HNRNPL: variants seen among roughly 807,000 people sequenced by gnomAD.
The protein encoded by HNRNPL is epididymis secretory sperm binding protein.
In HNRNPL, 12 loss-of-function variants were observed where a neutral mutation model predicts 64.0. That is an observed-to-expected ratio of 0.19 (90% CI 0.12 to 0.30). The LOEUF (loss-of-function observed/expected upper bound fraction) is 0.30. Among genes scored for constraint, HNRNPL ranks in the 10% least tolerant of loss-of-function variants. HNRNPL has a pLI of 1.00. For missense variants in HNRNPL, 484 were observed against 797.4 expected (o/e 0.61, Z 4.73); for synonymous variants, 385 against 313.0 (o/e 1.23, Z -2.43).
chr19:38,846,536 G>A (rs867301184), intron 2 of HNRNPL, among the ~76,000 whole-genome samples: 1 of 152,156 alleles, frequency 6.6e-6, no homozygotes, highest in Non-Finnish European at 1.5e-5. Flanking sequence ...ACTTGGGAGG[G>A]CTAGGTGGGC....
At chr19:38,845,823 A>C (rs937245145) in intron 3 of HNRNPL, 30 bp downstream of exon 3, 1 of 1,601,084 alleles carries the variant, frequency 6.2e-7, no homozygotes. Context: ...AGGAAGGGAG[A>C]CCTCACAAGA....
rs1211354284 is a variant in HNRNPL at position 38,846,095 on chromosome 19, C to G, written c.387-5G>C. On this transcript the variant is annotated splice_region_variant and splice_polypyrimidine_tract_variant and intron_variant, in intron 2 of 12. Transcript: ENST00000221419. ...TTAGGCATTACCACCACATAGCTGG[C>G]AGAGAGAACACAGGTTTCAATCCTC... 6.3e-7 allele frequency: 1 copy of G among 1,597,390 alleles called. No individual in the cohort carries two copies. The highest frequency in any genetic ancestry group is 1.7e-5 in the Admixed American group (1 of 59,964).
upstream of HNRNPL, among the ~76,000 whole-genome samples, chr19:38,851,495 T>G (rs540172167): frequency 2.6e-5 from 4 of 152,094 alleles, no homozygotes; most frequent in South Asian, 6.2e-4. Context: ...GGAAAAGAAA[T>G]AAAAGCGAAG....
intron 8 of HNRNPL, 57 bp from the exon 9 acceptor site, chr19:38,839,072 T>G: frequency 6.2e-7 from 1 of 1,602,602 alleles, no homozygotes; most frequent in Non-Finnish European, 8.5e-7. Flanking sequence ...TCCCCTCTCC[T>G]GCCCCTCCCA....
chr19:38,848,094 T>C (rs1972361726), intron 1 of HNRNPL, among the ~76,000 whole-genome samples: 1 of 152,124 alleles, frequency 6.6e-6, no homozygotes, highest in African/African-American at 2.4e-5. Context: ...AAGAAAAGTC[T>C]TTTATTTATT....
chr19:38,848,884 A>G (rs1972396223), intron 1 of HNRNPL, among the ~76,000 whole-genome samples: 1 of 152,186 alleles, frequency 6.6e-6, no homozygotes, highest in African/African-American at 2.4e-5. Flanking sequence ...CGTAACCCCT[A>G]AACCCTGGAA....
intron 6 of HNRNPL, 200 bp downstream of exon 6, chr19:38,843,642 G>A (rs1456971228): frequency 3.4e-6 from 2 of 589,614 alleles, no homozygotes; most frequent in South Asian, 2.1e-5. Context: ...AGCATCGGAG[G>A]GCCCCAAGCA....
chr19:38,839,404 C>T (rs528793170), intron 8 of HNRNPL: 2 of 197,832 alleles, frequency 1.0e-5, no homozygotes, highest in Admixed American at 1.1e-4. Flanking sequence ...GCAGTGCCGG[C>T]TCTGGAGCCA....
upstream of HNRNPL, among the ~76,000 whole-genome samples, chr19:38,851,763 G>A (rs895901704): frequency 6.6e-6 from 1 of 152,122 alleles, no homozygotes; most frequent in East Asian, 1.9e-4. Flanking sequence ...GACCCTATCA[G>A]AAAAAATGGG....
intron 6 of HNRNPL, chr19:38,840,830 C>T (rs995226475): frequency 2.1e-6 from 1 of 480,872 alleles, no homozygotes; most frequent in Non-Finnish European, 3.6e-6. Flanking sequence ...CTCACCTACC[C>T]TGGCCCTGGG....
chr19:38,849,467 G>A (rs766670025), intron 1 of HNRNPL: 9 of 477,338 alleles, frequency 1.9e-5, no homozygotes, highest in Middle Eastern at 6.0e-4. Flanking sequence ...TTCGCCTCAC[G>A]AGCTACTTCC....
chr19:38,837,280 G>T (rs1253571860), intron 12 of HNRNPL, 104 bp downstream of exon 12: 2 of 865,314 alleles, frequency 2.3e-6, no homozygotes, highest in Non-Finnish European at 3.9e-6. Context: ...ACAGTGCGAA[G>T]ATCCCGGGGT....
chr19:38,836,947 C>G (rs191008499), intron 12 of HNRNPL, 167 bp from the exon 13 acceptor site: 2 of 575,298 alleles, frequency 3.5e-6, no homozygotes, highest in East Asian at 5.8e-5. Flanking sequence ...CAATTATGCA[C>G]GGCGTTTCTC....
intron 6 of HNRNPL, chr19:38,840,896 A>G (rs148420055): frequency 0.01 from 3,342 of 333,344 alleles, 50 homozygotes; most frequent in Non-Finnish European, 9.4e-3. Context: ...AGAAGCTGAT[A>G]TATTATGGCG....
At chr19:38,852,014 A>G (rs926339487), upstream of HNRNPL, among the ~76,000 whole-genome samples, 15 of 150,656 alleles carry the variant, frequency 1.0e-4, no homozygotes, top group Non-Finnish European at 1.6e-4. Context: ...CGTCAGAGGA[A>G]TGCGGTGGGG....
At chr19:38,838,826 G>A in intron 9 of HNRNPL, 68 bp downstream of exon 9, 1 of 1,601,270 alleles carries the variant, frequency 6.2e-7, no homozygotes. Flanking sequence ...GTGCTCCTCT[G>A]CTGGGCCCCA....
chr19:38,849,617 C>A, intron 1 of HNRNPL, 83 bp downstream of exon 1: 3 of 1,291,020 alleles, frequency 2.3e-6, no homozygotes, highest in Non-Finnish European at 2.9e-6. Context: ...CGCAGAGGCC[C>A]CCCTCAAAAA....
chr19:38,844,260 G>A lies in HNRNPL; in HGVS notation c.711-156C>T, dbSNP rs541012984. On this transcript the variant is annotated intron_variant, in intron 4 of 12. Coordinates refer to ENST00000221419, the MANE Select transcript of HNRNPL (RefSeq NM_001533.3). ...TGCCCAGCCACTAGCCTCAGGTTAAGAGACCAAAACGGTGTTGATGGACTC... is the reference window on the plus strand; with the variant it reads ...TGCCCAGCCACTAGCCTCAGGTTAAAAGACCAAAACGGTGTTGATGGACTC... Among the ~76,000 whole-genome samples, 14 of 152,332 alleles carry A rather than the reference G, an allele frequency of 9.2e-5. No individual in the cohort carries two copies. The East Asian group carries it at 2.7e-3, about 29-fold the overall frequency.
At position 38,844,083 on chromosome 19, in the gene HNRNPL, G is replaced by A. The variant is rs530794820; in HGVS notation, c.732C>T (p.Ala244=). 6.8e-6 allele frequency: 11 copies of A among 1,613,372 alleles called. No homozygotes were observed. The highest frequency in any genetic ancestry group is 9.3e-6 in the Non-Finnish European group (11 of 1,179,298). ...CATTGAGAGAGGCCTTGGCCCGCTG[G>A]GCACTTTGAACTGAGTCAAATGTGA... The part of the protein sequence containing the change: ...AMVEFDSVQS[A]QRAKASLNGA... The change falls in exon 5 of 13, where the codon GCC becomes GCT. Residue 244 remains alanine, a synonymous_variant. Transcript: ENST00000221419.
Sources: gnomAD v4.1 joint callset for allele counts (sites outside exome capture counted in the v4.1 genomes callset) on GRCh38, gnomAD v4.1.1 for gene constraint, MANE v1.5 for transcripts, NCBI Gene and HGNC (gene_info 2026-07-23, HGNC 2026-07-21) for gene names.